Variants in BAZ2A observed in about 807,000 individuals in gnomAD.
BAZ2A encodes bromodomain adjacent to zinc finger domain 2A.
Under a neutral mutation model 199.9 loss-of-function variants are expected in BAZ2A, and 34 were observed. That is an observed-to-expected ratio of 0.17 (90% CI 0.13 to 0.23). BAZ2A has a LOEUF of 0.23. Among genes scored for constraint, BAZ2A ranks in the 10% least tolerant of loss-of-function variants. The pLI, the probability that BAZ2A is intolerant of heterozygous loss-of-function variation, is 1.00. For synonymous variants in BAZ2A, 857 were observed against 883.9 expected, an observed-to-expected ratio of 0.97 and a Z score of 0.54; for missense variants, 2,002 against 2,391.1, an observed-to-expected ratio of 0.84 and a Z score of 3.39.
intron 1 of BAZ2A, among the ~76,000 whole-genome samples, chr12:56,622,363 TA>T (rs1321992986): frequency 6.6e-6 from 1 of 152,038 alleles, no homozygotes; most frequent in Non-Finnish European, 1.5e-5. Flanking sequence ...TAATCAGGTC[TA>T]AACGGTCTAC....
chr12:56,623,797 T>C (rs1367320165), intron 1 of BAZ2A, among the ~76,000 whole-genome samples: 2 of 152,166 alleles, frequency 1.3e-5, no homozygotes, highest in Non-Finnish European at 2.9e-5. Flanking sequence ...TTATCAATAG[T>C]GCCAAGGCTG....
intron 1 of BAZ2A, among the ~76,000 whole-genome samples, chr12:56,627,691 T>C (rs1951146117): frequency 6.7e-6 from 1 of 149,908 alleles, no homozygotes; most frequent in Non-Finnish European, 1.5e-5. Context: ...CTGGATGTGG[T>C]GGTGCGTGTC....
In BAZ2A at chr12:56,602,853, T is replaced by C; in HGVS notation, c.3284A>G (p.Gln1095Arg). The change falls in exon 19 of 29, where the codon CAG becomes CGG. Residue 1095 changes from glutamine to arginine, a missense_variant. Around this residue, in one of 6 missense-constraint regions of BAZ2A, gnomAD observed 1,081 missense variants for 1,274.7 expected, o/e 0.85. Transcript: ENST00000549884. ...ERQIEKLSKR[Q>R]LFFRKKLLHS... Reference sequence around the variant, plus strand: ...AAGCAGCTTTTTGCGAAAGAAAAGCTGACGCTGGGTAGACAATGAAAATGA... The same window carrying C: ...AAGCAGCTTTTTGCGAAAGAAAAGCCGACGCTGGGTAGACAATGAAAATGA... 1 of 1,609,638 alleles carries C rather than the reference T, an allele frequency of 6.2e-7. No homozygotes were observed. The highest frequency in any genetic ancestry group is 8.5e-7 in the Non-Finnish European group (1 of 1,177,044).
chr12:56,624,210 A>G (rs1243193519), intron 1 of BAZ2A, among the ~76,000 whole-genome samples: 1 of 152,140 alleles, frequency 6.6e-6, no homozygotes, highest in Non-Finnish European at 1.5e-5. Flanking sequence ...GACAAACTAT[A>G]TCATATACTG....
rs1218767973 is a variant in BAZ2A at position 56,606,368 on chromosome 12, G to A, written c.2194-56C>T. The A allele has an allele frequency of 1.7e-5, 27 of 1,600,856 alleles. No homozygotes were observed. In the East Asian group the frequency reaches 5.8e-4, roughly 34 times the overall value. On this transcript the variant is annotated intron_variant, in intron 11 of 28. Coordinates refer to ENST00000549884, the MANE Select transcript of BAZ2A (RefSeq NM_001300905.2). ...CAAACTCTGAAAGCATCTCTGCTTGGGCTAGGATTCAAAAACAGACAAGGG... is the reference window on the plus strand; with the variant it reads ...CAAACTCTGAAAGCATCTCTGCTTGAGCTAGGATTCAAAAACAGACAAGGG...
At chr12:56,626,224 C>T (rs538902766) in intron 1 of BAZ2A, among the ~76,000 whole-genome samples, 1 of 152,220 alleles carries the variant, frequency 6.6e-6, no homozygotes, top group African/African-American at 2.4e-5. Context: ...TATGAGGACA[C>T]CAACATCCTA....
At chr12:56,599,036 C>G (rs748791489) in intron 27 of BAZ2A, 25 bp from the exon 28 acceptor site, 149 of 1,608,086 alleles carry the variant, frequency 9.3e-5, no homozygotes, top group Non-Finnish European at 1.2e-4. Flanking sequence ...ACAATGATGG[C>G]TCCATCTCAG....
intron 1 of BAZ2A, among the ~76,000 whole-genome samples, chr12:56,626,203 T>C (rs1951093013): frequency 6.6e-6 from 1 of 152,200 alleles, no homozygotes. Context: ...TCTTGGGCTA[T>C]ATATAAGGCA....
At chr12:56,603,327 C>T in intron 18 of BAZ2A, 32 bp downstream of exon 18, 1 of 1,607,396 alleles carries the variant, frequency 6.2e-7, no homozygotes, top group Non-Finnish European at 8.5e-7. Flanking sequence ...CAGCCCATAT[C>T]TCCAACTCTT....
At chr12:56,625,875 C>CAAAAA (rs748737235) in intron 1 of BAZ2A, among the ~76,000 whole-genome samples, 2 of 55,238 alleles carry the variant, frequency 3.6e-5, no homozygotes, top group Non-Finnish European at 7.9e-5. Flanking sequence ...AACTCCGTCT[C>CAAAAA]AAAAAAAAAA....
upstream of BAZ2A, among the ~76,000 whole-genome samples, chr12:56,631,066 C>G (rs892476295): frequency 1.3e-5 from 2 of 152,158 alleles, no homozygotes; most frequent in Non-Finnish European, 2.9e-5. Flanking sequence ...AAAGTAAAAT[C>G]TAGCAGAGGA....
In BAZ2A at chr12:56,606,702, A is replaced by C. The variant is rs751068496; in HGVS notation, c.2124T>G (p.Ile708Met). 6.8e-6 allele frequency: 11 copies of C among 1,613,758 alleles called. No individual in the cohort carries two copies. Among genetic ancestry groups the C allele is most frequent in the African/African-American group, 6.7e-5 (5 of 74,884 alleles). ...ETLNEEDKAK[I>M]AKSKKKMRQK... ...GCCTCATCTTCTTCTTGCTTTTAGC[A>C]ATCTTTGCTTTATCCTCCTCATTCA... Residue 708 changes from isoleucine (I) to methionine (M), a missense_variant, in exon 11 of 29, where the codon ATT becomes ATG. Physicochemically the swap from Ile to Met is conservative, Grantham distance 10. This residue lies in a region of BAZ2A where 1,081 missense variants were observed against 1,274.7 expected (regional missense o/e 0.85). Transcript: ENST00000549884.
chr12:56,621,301 T>A (rs891056655), intron 1 of BAZ2A: 1 of 960,246 alleles, frequency 1.0e-6, no homozygotes, highest in African/African-American at 1.8e-5. Context: ...AATAACAACA[T>A]GTCGATGGCT....
intron 10 of BAZ2A, among the ~76,000 whole-genome samples, chr12:56,609,292 T>C (rs1180185156): frequency 6.6e-6 from 1 of 151,884 alleles, no homozygotes; most frequent in Non-Finnish European, 1.5e-5. Context: ...CTCTGCTGCC[T>C]GCCTCAGCCT....
intron 13 of BAZ2A, 35 bp downstream of exon 13, chr12:56,605,795 A>G: frequency 6.4e-7 from 1 of 1,561,106 alleles, no homozygotes; most frequent in Non-Finnish European, 8.7e-7. Context: ...AAGTCTTCCC[A>G]GCTGACCCAG....
upstream of BAZ2A, among the ~76,000 whole-genome samples, chr12:56,636,544 T>C (rs534812128): frequency 3.9e-5 from 6 of 151,994 alleles, no homozygotes; most frequent in East Asian, 1.2e-3. Flanking sequence ...AAACAAATAG[T>C]TGCAGCTACT....
upstream of BAZ2A, among the ~76,000 whole-genome samples, chr12:56,634,715 G>T (rs929787785): frequency 2.0e-5 from 3 of 152,124 alleles, no homozygotes; most frequent in African/African-American, 7.2e-5. Flanking sequence ...CCCAGAATAG[G>T]AAAGGTACTC....
chr12:56,602,165 G>C lies in BAZ2A; in HGVS notation c.3452C>G (p.Thr1151Ser), dbSNP rs1464005995. Residue 1151 changes from threonine (T) to serine (S), a missense_variant, in exon 20 of 29, where the codon ACT becomes AGT. Thr to Ser is a moderately conservative substitution (Grantham distance 58, BLOSUM62 1). Around this residue, in one of 6 missense-constraint regions of BAZ2A, gnomAD observed 1,081 missense variants for 1,274.7 expected, o/e 0.85. Transcript: ENST00000549884. ...ATGGGCTGCCACTTTTAAGGAGTCA[G>C]TTTCCTTCTTTATCACCTCCTCAGG... is the stretch of plus-strand genomic sequence containing the variant. The part of the protein sequence containing the change: ...LVPEEVIKKE[T>S]DSLKVAAHAS... 6.3e-7 allele frequency: 1 copy of C among 1,588,910 alleles called. No individual in the cohort carries two copies. The highest frequency in any genetic ancestry group is 8.6e-7 in the Non-Finnish European group (1 of 1,167,020).
At chr12:56,611,484 A>T in intron 7 of BAZ2A, 89 bp downstream of exon 7, 1 of 1,326,996 alleles carries the variant, frequency 7.5e-7, no homozygotes, top group Middle Eastern at 1.8e-4. Flanking sequence ...TTCCTCCCCC[A>T]CCTCAGAGGA....
Sources: allele counts gnomAD v4.1 joint callset (sites outside exome capture counted in the v4.1 genomes callset), GRCh38; gene constraint gnomAD v4.1.1; regional missense constraint gnomAD v4.1.1; transcripts MANE v1.5; gene names NCBI Gene and HGNC (gene_info 2026-07-23, HGNC 2026-07-21).